Variants in PPP4R2 observed in about 807,000 individuals in gnomAD.
PPP4R2 encodes protein phosphatase 4 regulatory subunit 2, also known as serine/threonine-protein phosphatase 4 regulatory subunit 2.
PPP4R2 carries 13 observed loss-of-function variants against 47.2 expected under a neutral mutation model. The observed-to-expected ratio is 0.28, with a 90% CI of 0.18 to 0.44. The LOEUF is 0.44. PPP4R2 is among the 20% of genes least tolerant of loss of function. The pLI is 1.00. For missense variants in PPP4R2, 421 were observed against 491.2 expected (o/e 0.86, Z 1.35); for synonymous variants, 151 against 163.3 (o/e 0.92, Z 0.57).
intron 3 of PPP4R2, among the ~76,000 whole-genome samples, chr3:73,057,555 G>A (rs979630961): frequency 5.3e-5 from 8 of 152,034 alleles, no homozygotes; most frequent in Admixed American, 2.0e-4. Flanking sequence ...GTTTGGATTC[G>A]ATTTTAGGTT....
chr3:73,017,211 G>T (rs531078597), intron 2 of PPP4R2, among the ~76,000 whole-genome samples: 43 of 152,254 alleles, frequency 2.8e-4, no homozygotes, highest in Non-Finnish European at 5.7e-4. Context: ...CAGCCACTGT[G>T]CCCAGCCAGG....
intron 2 of PPP4R2, among the ~76,000 whole-genome samples, chr3:73,006,824 C>A (rs1321292746): frequency 1.3e-5 from 2 of 152,176 alleles, no homozygotes; most frequent in East Asian, 1.9e-4. Flanking sequence ...CAATGAGTAC[C>A]TGTTGGCTAT....
At chr3:73,058,621 G>A (rs980705942) in intron 3 of PPP4R2, among the ~76,000 whole-genome samples, 14 of 151,842 alleles carry the variant, frequency 9.2e-5, no homozygotes, top group Non-Finnish European at 1.5e-4. Context: ...GGGTAAATGG[G>A]TTATCCATCA....
Position 73,067,226 on chromosome 3 carries a change from A to T in PPP4R2, c.*1504A>T, listed in dbSNP as rs1027900168. The T allele has an allele frequency of 6.6e-6, 1 of 152,110 alleles. No homozygotes were observed. The highest frequency in any genetic ancestry group is 2.4e-5 in the African/African-American group (1 of 41,448). The allele number at this position is 152,110 out of a possible 1,614,324, so 9.4% of individuals were successfully genotyped here. ...CTACATTTTTATCAAAATATGAAAG[A>T]ATCCCCCCTTTTTTAGTTTCAGATA... On this transcript the variant is annotated 3_prime_UTR_variant, in exon 9 of 9. Transcript: ENST00000356692.
intron 5 of PPP4R2, chr3:73,062,852 A>T: frequency 6.2e-7 from 1 of 1,613,816 alleles, no homozygotes; most frequent in Non-Finnish European, 8.5e-7. Context: ...TCACACTTCT[A>T]TTTGGAGACT....
At chr3:73,040,656 G>A (rs1355787678) in intron 2 of PPP4R2, among the ~76,000 whole-genome samples, 1 of 151,832 alleles carries the variant, frequency 6.6e-6, no homozygotes, top group Admixed American at 6.6e-5. Context: ...GGAATTATAG[G>A]CGCTCACCAC....
At chr3:73,023,346 C>T (rs1205609452) in intron 2 of PPP4R2, among the ~76,000 whole-genome samples, 2 of 152,060 alleles carry the variant, frequency 1.3e-5, no homozygotes, top group Non-Finnish European at 2.9e-5. Flanking sequence ...GCCACCATGC[C>T]TGGCTAATTT....
chr3:73,052,638 C>T (rs1702641565), intron 3 of PPP4R2, among the ~76,000 whole-genome samples: 1 of 151,982 alleles, frequency 6.6e-6, no homozygotes, highest in South Asian at 2.1e-4. Flanking sequence ...TAAAAGATAC[C>T]ATTTTATGTT....
chr3:73,023,019 ATTG>A (rs1701990429), intron 2 of PPP4R2, among the ~76,000 whole-genome samples: 1 of 152,010 alleles, frequency 6.6e-6, no homozygotes, highest in Non-Finnish European at 1.5e-5. Flanking sequence ...TTTAGTTGGT[ATTG>A]TTTGCTCAGA....
At position 73,029,675 on chromosome 3, in the gene PPP4R2, G is replaced by A. The variant is rs77277998; in HGVS notation, c.117-17511G>A. Among the ~76,000 whole-genome samples, 6 of 152,272 alleles carry A rather than the reference G, an allele frequency of 3.9e-5. No individual in the cohort carries two copies. In the East Asian group the frequency reaches 1.2e-3, roughly 29 times the overall value. On this transcript the variant is annotated intron_variant, in intron 2 of 8. Transcript: ENST00000356692. ...GGTTGGGTGGATGATTGGGGATCAG[G>A]AGTCATCCTGATAAAATTGGCATGC...
chr3:73,062,875 TA>T, intron 5 of PPP4R2: 1 of 1,613,296 alleles, frequency 6.2e-7, no homozygotes, highest in Non-Finnish European at 8.5e-7. Context: ...GAATCCCCTC[TA>T]CACAAGCTAC....
chr3:73,043,934 C>T (rs1424078590), intron 2 of PPP4R2, among the ~76,000 whole-genome samples: 1 of 152,184 alleles, frequency 6.6e-6, no homozygotes, highest in Non-Finnish European at 1.5e-5. Context: ...CCCCACAGTT[C>T]CAGACGACTC....
At chr3:73,061,666 A>AG (rs756719323) in intron 5 of PPP4R2, 1 of 180,534 alleles carries the variant, frequency 5.5e-6, no homozygotes, top group African/African-American at 2.4e-5. Context: ...TGTGAAAGGC[A>AG]GGGAGGGGAG....
At chr3:73,013,401 G>T (rs889488964) in intron 2 of PPP4R2, among the ~76,000 whole-genome samples, 1 of 152,122 alleles carries the variant, frequency 6.6e-6, no homozygotes, top group African/African-American at 2.4e-5. Context: ...GGTAATTCTT[G>T]TGCCTATAAA....
intron 2 of PPP4R2, among the ~76,000 whole-genome samples, chr3:73,030,921 C>G (rs571564731): frequency 1.3e-5 from 2 of 151,904 alleles, no homozygotes; most frequent in East Asian, 3.9e-4. Context: ...AGGCTGGTCT[C>G]GAACTCCTGA....
intron 2 of PPP4R2, among the ~76,000 whole-genome samples, chr3:73,008,670 C>G (rs1190963022): frequency 6.6e-6 from 1 of 152,000 alleles, no homozygotes; most frequent in African/African-American, 2.4e-5. Flanking sequence ...GGGTTTGTAC[C>G]TTTAGTTGTT....
In PPP4R2 at chr3:73,007,635, C is replaced by T. The variant is rs548117564; in HGVS notation, c.116+9477C>T. On this transcript the variant is annotated intron_variant, in intron 2 of 8. Coordinates refer to ENST00000356692, the MANE Select transcript of PPP4R2 (RefSeq NM_174907.4). Reference sequence around the variant, plus strand: ...TCCCAAGTAGCTGGAACTACAGGTGCGCACCACCACGCCCAGTTAATTTTT... The same window carrying T: ...TCCCAAGTAGCTGGAACTACAGGTGTGCACCACCACGCCCAGTTAATTTTT... Among the ~76,000 whole-genome samples, 250 of 151,986 alleles carry T rather than the reference C, an allele frequency of 1.6e-3. 1 individual carries two copies. The highest frequency in any genetic ancestry group is 5.0e-3 in the African/African-American group (207 of 41,448).
At chr3:73,054,837 T>TA (rs746198584) in intron 3 of PPP4R2, among the ~76,000 whole-genome samples, 1 of 152,202 alleles carries the variant, frequency 6.6e-6, no homozygotes, top group East Asian at 1.9e-4. Flanking sequence ...AAATTTAGGT[T>TA]AAAATACATG....
chr3:73,059,938 A>G (rs1168432311), intron 4 of PPP4R2, among the ~76,000 whole-genome samples: 3 of 32,336 alleles, frequency 9.3e-5, no homozygotes, highest in African/African-American at 3.4e-4. Flanking sequence ...CTGTCTCAGA[A>G]AAAAAAAAAA....
Sources: allele counts gnomAD v4.1 joint callset (sites outside exome capture counted in the v4.1 genomes callset), GRCh38; gene constraint gnomAD v4.1.1; transcripts MANE v1.5; gene names NCBI Gene and HGNC (gene_info 2026-07-23, HGNC 2026-07-21).